KDM7A: variants seen among roughly 807,000 people sequenced by gnomAD.
KDM7A encodes the protein lysine demethylase 7A, also known as lysine-specific demethylase 7A.
KDM7A carries 28 observed loss-of-function variants against 114.8 expected under a neutral mutation model. The ratio of observed to expected loss-of-function variants is 0.24; its 90% CI spans 0.18 to 0.33. The LOEUF (loss-of-function observed/expected upper bound fraction) is 0.33, where lower values mean the gene tolerates loss of function less well. Among genes scored for constraint, KDM7A ranks in the 10% least tolerant of loss-of-function variants. The pLI, the probability that KDM7A is intolerant of heterozygous loss-of-function variation, is 1.00. For missense variants in KDM7A, 942 were observed against 1,142.5 expected (o/e 0.82, Z 2.53); for synonymous variants, 423 against 397.8 (o/e 1.06, Z -0.75).
chr7:140,114,218 G>A (rs921930536), intron 9 of KDM7A, among the ~76,000 whole-genome samples: 2 of 152,076 alleles, frequency 1.3e-5, no homozygotes, highest in Non-Finnish European at 2.9e-5. Context: ...CTGATGCCAA[G>A]CGGAAGCTGG....
chr7:140,171,291 T>A (rs888258025), intron 1 of KDM7A, among the ~76,000 whole-genome samples: 1 of 141,272 alleles, frequency 7.1e-6, no homozygotes, highest in African/African-American at 2.8e-5. Flanking sequence ...AAACCCCATC[T>A]CTACTAAAAA....
At chr7:140,133,349 A>G (rs1338557357) in intron 3 of KDM7A, among the ~76,000 whole-genome samples, 190 bp downstream of exon 3, 1 of 152,210 alleles carries the variant, frequency 6.6e-6, no homozygotes, top group Non-Finnish European at 1.5e-5. Context: ...AAATATGCTT[A>G]CTTACTGCTA....
At chr7:140,116,013 TA>T (rs1301503571) in intron 9 of KDM7A, among the ~76,000 whole-genome samples, 3 of 152,108 alleles carry the variant, frequency 2.0e-5, no homozygotes, top group Non-Finnish European at 4.4e-5. Flanking sequence ...GCAAAAATTA[TA>T]ACCTAACAAT....
intron 14 of KDM7A, 150 bp from the exon 15 acceptor site, chr7:140,097,792 C>T: frequency 1.8e-6 from 1 of 543,214 alleles, no homozygotes; most frequent in South Asian, 2.4e-5. Flanking sequence ...TTCTTCATTT[C>T]TTTCTCCCCT....
At chr7:140,153,855 GCT>G (rs1212025537) in intron 1 of KDM7A, among the ~76,000 whole-genome samples, 3 of 151,998 alleles carry the variant, frequency 2.0e-5, no homozygotes, top group African/African-American at 4.8e-5. Context: ...TTTCTTTGTT[GCT>G]CTTTCATTTT....
At chr7:140,141,105 T>A (rs1222795794) in intron 1 of KDM7A, among the ~76,000 whole-genome samples, 1 of 152,122 alleles carries the variant, frequency 6.6e-6, no homozygotes, top group Non-Finnish European at 1.5e-5. Context: ...CAAAGCTTCT[T>A]TAGGGAAAAG....
intron 1 of KDM7A, among the ~76,000 whole-genome samples, chr7:140,173,130 G>A (rs1012827285): frequency 3.3e-5 from 5 of 152,014 alleles, no homozygotes; most frequent in African/African-American, 4.8e-5. Context: ...ATAAGGGAGC[G>A]GGGCCTTATC....
rs758682625 is a variant in KDM7A, at chr7:140,129,574, T to C, written c.478A>G (p.Ile160Val). ...AGATCATCTAATTTTGGGACCATAA[T>C]AGGGACATCAAATCCATGTTTCTCC... ...YLEKHGFDVP[I>V]MVPKLDDLGL... The change falls in exon 4 of 20, where the codon ATT (isoleucine) becomes GTT (valine). Residue 160 changes from isoleucine (I) to valine (V), a missense_variant. This residue lies in a region of KDM7A where 318 missense variants were observed against 453.1 expected (regional missense o/e 0.70). Coordinates refer to ENST00000397560, the MANE Select transcript of KDM7A (RefSeq NM_030647.2). The C allele has an allele frequency of 3.1e-6, 5 of 1,611,174 alleles. No individual in the cohort carries two copies. Among genetic ancestry groups the C allele is most frequent in the South Asian group, 2.2e-5 (2 of 91,030 alleles).
rs1396829588 is a variant in KDM7A at position 140,088,150 on chromosome 7, T to G, written c.*2944A>C. 5.2e-5 allele frequency: 10 copies of G among 192,920 alleles called. No homozygotes were observed. In the East Asian group the frequency reaches 1.2e-3, roughly 23 times the overall value. The allele number at this position is 192,920 out of a possible 1,614,324, so 12.0% of individuals were successfully genotyped here. On this transcript the variant is annotated 3_prime_UTR_variant, in exon 20 of 20. Coordinates refer to ENST00000397560, the MANE Select transcript of KDM7A (RefSeq NM_030647.2). ...GGGCTTGTTTCCTCTGAGTTTATGA[T>G]TTCAGTCAGAATCTTCAATTCTGTA...
rs1054911713 is a variant in KDM7A at position 140,136,879 on chromosome 7, C to T, written c.280+2226G>A. On this transcript the variant is annotated intron_variant, in intron 2 of 19. Transcript: ENST00000397560. ...GCACACAACCGTAATCCCAGCTACTCAGGAGGCTGAGGCAGGAGAATTGCT... is the reference window on the plus strand; with the variant it reads ...GCACACAACCGTAATCCCAGCTACTTAGGAGGCTGAGGCAGGAGAATTGCT... Among the ~76,000 whole-genome samples, 13 of 152,202 alleles carry T rather than the reference C, an allele frequency of 8.5e-5. No homozygotes were observed. The East Asian group carries it at 2.5e-3, about 29-fold the overall frequency.
At chr7:140,109,065 G>A (rs1027393065) in intron 11 of KDM7A, among the ~76,000 whole-genome samples, 7 of 152,076 alleles carry the variant, frequency 4.6e-5, no homozygotes, top group South Asian at 2.1e-4. Flanking sequence ...TGGGACCCTC[G>A]GAGCCAGCGC....
At position 140,176,211 on chromosome 7, in the gene KDM7A, G is replaced by A. The variant is rs529983671; in HGVS notation, c.194+533C>T. Among the ~76,000 whole-genome samples the A allele has an allele frequency of 2.6e-3, 399 of 151,734 alleles. No homozygotes were observed. Among genetic ancestry groups the A allele is most frequent in the African/African-American group, 7.8e-3 (322 of 41,484 alleles). On this transcript the variant is annotated intron_variant, in intron 1 of 19. Coordinates refer to ENST00000397560, the MANE Select transcript of KDM7A (RefSeq NM_030647.2). This position sits in a 1 kb window ranked among gnomAD's most constrained non-coding sequence, Gnocchi z 4.4. ...CAGGAAGTTTGATAAAGACGGGGAA[G>A]GGGGCGCGACAGGGACCCGCGGCGC...
intron 11 of KDM7A, 49 bp downstream of exon 11, chr7:140,111,044 TTC>T (rs1218879622): frequency 1.0e-6 from 1 of 1,000,426 alleles, no homozygotes; most frequent in Non-Finnish European, 1.6e-6. Context: ...ATCCATTTGC[TTC>T]TCAAAGCAGA....
intron 4 of KDM7A, 21 bp from the exon 5 acceptor site, chr7:140,127,604 C>G: frequency 6.2e-7 from 1 of 1,608,438 alleles, no homozygotes; most frequent in Non-Finnish European, 8.5e-7. Context: ...AAATTACAGT[C>G]TTATTATTGG....
At chr7:140,146,152 T>C (rs888082647) in intron 1 of KDM7A, among the ~76,000 whole-genome samples, 2 of 152,192 alleles carry the variant, frequency 1.3e-5, no homozygotes, top group African/African-American at 4.8e-5. Flanking sequence ...GTAAATTTGA[T>C]ATATCAATAA....
At chr7:140,127,674 T>C (rs1160066564) in intron 4 of KDM7A, 91 bp from the exon 5 acceptor site, 2 of 1,064,468 alleles carry the variant, frequency 1.9e-6, no homozygotes, top group Non-Finnish European at 2.8e-6. Flanking sequence ...GGTATGATAA[T>C]TAAACCAACT....
At chr7:140,100,683 T>TACAC (rs1241664562) in intron 12 of KDM7A, among the ~76,000 whole-genome samples, 1 of 36,594 alleles carries the variant, frequency 2.7e-5, no homozygotes, top group African/African-American at 1.2e-4. Context: ...TATATATACA[T>TACAC]ATATACATAT....
rs556197164 is a variant in KDM7A, at chr7:140,157,610, T to TGCA, written c.195-18423_195-18421dup. ...TCAAGGCTGCAGTGAGCTGTGATCA[T>TGCA]GCAACAGCACTCCAGCCTGGTCGAC... On this transcript the variant is annotated intron_variant, in intron 1 of 19. Coordinates refer to ENST00000397560, the MANE Select transcript of KDM7A (RefSeq NM_030647.2). 1.3e-3 allele frequency among the ~76,000 whole-genome samples: 192 copies of TGCA among 152,210 alleles called. 2 individuals carry two copies. Among genetic ancestry groups the TGCA allele is most frequent in the African/African-American group, 4.4e-3 (184 of 41,518 alleles).
rs1205111567 is a variant in KDM7A at position 140,085,529 on chromosome 7, A to G, written c.*5565T>C. The G allele has an allele frequency of 6.6e-6, 1 of 152,232 alleles. No individual in the cohort carries two copies. The highest frequency in any genetic ancestry group is 2.4e-5 in the African/African-American group (1 of 41,454). 9.4% of individuals were successfully genotyped at this position (152,232 alleles called of 1,614,324 possible). A position where few individuals can be genotyped will look rare whatever the true frequency, so the allele number is the denominator to read the frequency against. ...GCATGAAACTGTTATGGCTTAATTT[A>G]TATTAAAAGTAGAAAAGTCTTTTCT... is the stretch of plus-strand genomic sequence containing the variant. On this transcript the variant is annotated 3_prime_UTR_variant, in exon 20 of 20. Coordinates refer to ENST00000397560, the MANE Select transcript of KDM7A (RefSeq NM_030647.2).
Sources: allele counts gnomAD v4.1 joint callset (sites outside exome capture counted in the v4.1 genomes callset), GRCh38; gene constraint gnomAD v4.1.1; regional missense constraint gnomAD v4.1.1; non-coding constraint Gnocchi (gnomAD v3.1); transcripts MANE v1.5; gene names NCBI Gene and HGNC (gene_info 2026-07-23, HGNC 2026-07-21).